NCK2: variants seen among roughly 807,000 people sequenced by gnomAD.
NCK2 encodes cytoplasmic protein NCK2.
A neutral mutation model predicts 33.9 loss-of-function variants in NCK2; 16 were observed. The observed-to-expected ratio is 0.47, with a 90% CI of 0.32 to 0.72. The LOEUF is 0.72. Ranked by LOEUF, NCK2 falls within the 30% of genes least tolerant of loss-of-function variation. The pLI is 0.03. For missense variants in NCK2, 418 were observed against 537.3 expected, an observed-to-expected ratio of 0.78 and a Z score of 2.19; for synonymous variants, 273 against 239.9, an observed-to-expected ratio of 1.14 and a Z score of -1.27.
At chr2:105,745,324 C>T (rs1467858800) in intron 1 of NCK2, among the ~76,000 whole-genome samples, 186 bp downstream of exon 1, 4 of 151,744 alleles carry the variant, frequency 2.6e-5, no homozygotes, top group African/African-American at 9.7e-5. Flanking sequence ...CGCGGACTGC[C>T]GGGCACCTCC....
At chr2:105,781,670 T>C (rs1489092128) in intron 1 of NCK2, among the ~76,000 whole-genome samples, 3 of 152,126 alleles carry the variant, frequency 2.0e-5, no homozygotes, top group African/African-American at 7.2e-5. Context: ...AGTTGTTAGG[T>C]TTATAATAAA....
At chr2:105,750,174 T>G (rs1265374514) in intron 1 of NCK2, among the ~76,000 whole-genome samples, 2 of 152,096 alleles carry the variant, frequency 1.3e-5, no homozygotes, top group East Asian at 3.9e-4. Flanking sequence ...TGGTTTCTGG[T>G]GAGTGTCTCT....
At chr2:105,838,127 A>G (rs900369076) in intron 2 of NCK2, among the ~76,000 whole-genome samples, 1 of 151,860 alleles carries the variant, frequency 6.6e-6, no homozygotes, top group Non-Finnish European at 1.5e-5. Context: ...CCAGCAATAG[A>G]TAACCACTAT....
chr2:105,799,329 A>T (rs144250725), intron 1 of NCK2, among the ~76,000 whole-genome samples: 1 of 151,834 alleles, frequency 6.6e-6, no homozygotes, highest in Non-Finnish European at 1.5e-5. Flanking sequence ...GTCCTTCTAT[A>T]CTTTTACTTT....
intron 1 of NCK2, among the ~76,000 whole-genome samples, chr2:105,774,700 T>TGG (rs759888558): frequency 4.3e-4 from 65 of 152,182 alleles, no homozygotes; most frequent in Non-Finnish European, 7.9e-4. Context: ...TCAAGTTGTC[T>TGG]GGGGCCTGGA....
chr2:105,843,718 G>GT (rs1676739460), intron 2 of NCK2, among the ~76,000 whole-genome samples: 1 of 152,164 alleles, frequency 6.6e-6, no homozygotes, highest in Admixed American at 6.5e-5. Context: ...TAAAATAGCC[G>GT]TAAGATCACA....
chr2:105,823,988 A>G (rs1199183384), intron 2 of NCK2, among the ~76,000 whole-genome samples: 1 of 152,134 alleles, frequency 6.6e-6, no homozygotes, highest in Non-Finnish European at 1.5e-5. Flanking sequence ...GTGAACTCCA[A>G]GTCAGGAGTC....
At chr2:105,861,071 C>T (rs1012959793) in intron 3 of NCK2, among the ~76,000 whole-genome samples, 7 of 152,072 alleles carry the variant, frequency 4.6e-5, no homozygotes, top group African/African-American at 1.2e-4. Flanking sequence ...CAATTGTTTA[C>T]GGAAAACTAT....
intron 4 of NCK2, among the ~76,000 whole-genome samples, chr2:105,889,399 C>G (rs532553089): frequency 2.9e-4 from 44 of 152,318 alleles, no homozygotes; most frequent in African/African-American, 1.0e-3. Context: ...GTGGCTCCAG[C>G]ACTGCCGATG....
chr2:105,807,133 G>C (rs1426353586), intron 1 of NCK2, among the ~76,000 whole-genome samples: 1 of 152,196 alleles, frequency 6.6e-6, no homozygotes, highest in Non-Finnish European at 1.5e-5. Flanking sequence ...CTTGTAGCCT[G>C]CTCCCTGGAG....
chr2:105,757,548 T>C (rs1689633064), intron 1 of NCK2, among the ~76,000 whole-genome samples: 1 of 152,182 alleles, frequency 6.6e-6, no homozygotes, highest in African/African-American at 2.4e-5. Context: ...CTCAGTTGTG[T>C]ACCTGCAGTT....
chr2:105,778,496 G>A (rs1033084351), intron 1 of NCK2, among the ~76,000 whole-genome samples: 1 of 152,240 alleles, frequency 6.6e-6, no homozygotes, highest in Non-Finnish European at 1.5e-5. Context: ...GAAGGGCGGT[G>A]ATGGCAGAGG....
chr2:105,833,703 A>T (rs993007327), intron 2 of NCK2, among the ~76,000 whole-genome samples: 5 of 150,458 alleles, frequency 3.3e-5, no homozygotes, highest in African/African-American at 1.2e-4. Context: ...TCTGGTCTTT[A>T]TTATTTCTTT....
In NCK2 at chr2:105,893,270, A is replaced by G. The variant is rs990837713; in HGVS notation, c.*94A>G. 10 of 1,234,600 alleles carry G rather than the reference A, an allele frequency of 8.1e-6. No homozygotes were observed. The highest frequency in any genetic ancestry group is 1.1e-5 in the Non-Finnish European group (10 of 906,056). 76.5% of individuals were successfully genotyped at this position (1,234,600 alleles called of 1,614,324 possible). Reference sequence around the variant, plus strand: ...GGCTCCTCCCGCGGGGACGGCCCCGACGGCTTCTCTGCGAGTCTCTCTTTA... The same window carrying G: ...GGCTCCTCCCGCGGGGACGGCCCCGGCGGCTTCTCTGCGAGTCTCTCTTTA... On this transcript the variant is annotated 3_prime_UTR_variant, in exon 5 of 5. Coordinates refer to ENST00000233154, the MANE Select transcript of NCK2 (RefSeq NM_003581.5).
chr2:105,853,002 T>A (rs369959872), intron 2 of NCK2, among the ~76,000 whole-genome samples: 48 of 152,284 alleles, frequency 3.2e-4, no homozygotes, highest in African/African-American at 6.5e-4. Flanking sequence ...TATAAAAAAA[T>A]TTTTTTAGCA....
upstream of NCK2, among the ~76,000 whole-genome samples, chr2:105,744,662 G>A (rs1454871016): frequency 1.3e-5 from 2 of 151,874 alleles, no homozygotes; most frequent in Non-Finnish European, 2.9e-5. Flanking sequence ...GCGTCCCGCA[G>A]CCCCGCGCTA....
At chr2:105,844,584 A>C (rs1676778870) in intron 2 of NCK2, among the ~76,000 whole-genome samples, 2 of 150,670 alleles carry the variant, frequency 1.3e-5, no homozygotes, top group Non-Finnish European at 3.0e-5. Context: ...CAAAAAAAAA[A>C]AAAAACAGCT....
At chr2:105,791,407 A>G (rs995927828) in intron 1 of NCK2, among the ~76,000 whole-genome samples, 6 of 149,876 alleles carry the variant, frequency 4.0e-5, no homozygotes, top group African/African-American at 1.5e-4. Flanking sequence ...GGCTTTCACG[A>G]TGGGAGGATA....
At chr2:105,868,011 G>A (rs538244200) in intron 3 of NCK2, among the ~76,000 whole-genome samples, 47 of 152,292 alleles carry the variant, frequency 3.1e-4, no homozygotes, top group Middle Eastern at 3.4e-3. Context: ...CCATTTTAGT[G>A]TCTGTTTCCT....
Sources: allele counts gnomAD v4.1 joint callset (sites outside exome capture counted in the v4.1 genomes callset), GRCh38; gene constraint gnomAD v4.1.1; transcripts MANE v1.5; gene names NCBI Gene and HGNC (gene_info 2026-07-23, HGNC 2026-07-21).